The following TMEM232 variants were observed in gnomAD, a reference collection of about 807,000 sequenced individuals.
TMEM232 encodes the protein transmembrane protein 232.
Under a neutral mutation model 78.8 loss-of-function variants are expected in TMEM232, and 80 were observed. The ratio of observed to expected loss-of-function variants is 1.01; its 90% CI spans 0.85 to 1.22. The LOEUF (loss-of-function observed/expected upper bound fraction) is 1.22. Ranked by LOEUF, TMEM232 falls within the 50% of genes most tolerant of loss-of-function variation. The pLI is 0.00. For synonymous variants in TMEM232, 297 were observed against 254.3 expected (o/e 1.17, Z -1.60); for missense variants, 881 against 742.2 (o/e 1.19, Z -2.17).
rs184702281 is a variant in TMEM232, at chr5:110,532,335, A to G, written c.1456-3500T>C. On this transcript the variant is annotated intron_variant, in intron 11 of 13. Transcript: ENST00000455884. The stretch of plus-strand genomic sequence containing the variant: ...AAGACTGACGCTGCCCGATCGCCTC[A>G]GAAGCCCCCTAGACCATCACGGATG... Among the ~76,000 whole-genome samples the G allele has an allele frequency of 9.2e-3, 1,390 of 150,574 alleles. 22 individuals are homozygous for G. The highest frequency in any genetic ancestry group is 0.032 in the African/African-American group (1,307 of 40,926).
intron 12 of TMEM232, among the ~76,000 whole-genome samples, chr5:110,527,549 T>G (rs1404963334): frequency 6.6e-6 from 1 of 151,940 alleles, no homozygotes; most frequent in African/African-American, 2.4e-5. Context: ...GTTAAATTCC[T>G]CTAAGCCAGG....
chr5:110,623,400 T>C (rs1784027941), intron 7 of TMEM232, among the ~76,000 whole-genome samples: 1 of 152,182 alleles, frequency 6.6e-6, no homozygotes, highest in African/African-American at 2.4e-5. Context: ...ATGGACCTTT[T>C]AGCTTTATCA....
intron 12 of TMEM232, among the ~76,000 whole-genome samples, chr5:110,425,452 A>C (rs1163749622): frequency 6.6e-6 from 1 of 152,088 alleles, no homozygotes; most frequent in Non-Finnish European, 1.5e-5. Context: ...CAGTGATAGA[A>C]GGTGGTTTTG....
chr5:110,497,109 C>T (rs1765726608), intron 12 of TMEM232, among the ~76,000 whole-genome samples: 1 of 151,746 alleles, frequency 6.6e-6, no homozygotes, highest in African/African-American at 2.4e-5. Context: ...TCCTCCAAAT[C>T]AATAAACGTT....
chr5:110,508,939 T>TAC (rs1203608558), intron 12 of TMEM232, among the ~76,000 whole-genome samples: 1 of 140,580 alleles, frequency 7.1e-6, no homozygotes, highest in African/African-American at 2.6e-5. Flanking sequence ...ATTATATATA[T>TAC]ACACACACAC....
At position 110,610,633 on chromosome 5, in the gene TMEM232, C is replaced by G. The variant is rs1265223325; in HGVS notation, c.903-4346G>C. 23 of 427,778 alleles carry G rather than the reference C, an allele frequency of 5.4e-5. No individual in the cohort carries two copies. The East Asian group carries it at 1.6e-3, about 30-fold the overall frequency. The allele number at this position is 427,778 out of a possible 1,614,324, so 26.5% of individuals were successfully genotyped here. Reference sequence around the variant, plus strand: ...GGACAAGAAAGGGTGCCAGTTAACTCCTGCCTACTAAATCACAAAGATGTT... The same window carrying G: ...GGACAAGAAAGGGTGCCAGTTAACTGCTGCCTACTAAATCACAAAGATGTT... On this transcript the variant is annotated intron_variant, in intron 8 of 13. Coordinates refer to ENST00000455884, the MANE Select transcript of TMEM232 (RefSeq NM_001039763.4).
At chr5:110,668,737 T>G (rs1329402904) in intron 1 of TMEM232, among the ~76,000 whole-genome samples, 2 of 152,180 alleles carry the variant, frequency 1.3e-5, no homozygotes, top group African/African-American at 4.8e-5. Context: ...AGTAAAGCAC[T>G]TCTCAGCAAG....
At chr5:110,584,481 T>A (rs1324156693) in intron 10 of TMEM232, among the ~76,000 whole-genome samples, 1 of 152,092 alleles carries the variant, frequency 6.6e-6, no homozygotes, top group Non-Finnish European at 1.5e-5. Context: ...AGAATGGCAG[T>A]TACCAGAGGT....
At position 110,700,622 on chromosome 5, in the gene TMEM232, G is replaced by A. The variant is rs189488417; in HGVS notation, c.-13+26005C>T. Among the ~76,000 whole-genome samples the A allele has an allele frequency of 3.4e-4, 52 of 151,978 alleles. 1 individual carries two copies. The East Asian group carries it at 9.3e-3, about 27-fold the overall frequency. ...AGAAAGATTGCAAAAAGTTGAAATG[G>A]GCACAGAAATTAACAAGAATAAATA... is the stretch of plus-strand genomic sequence containing the variant. On this transcript the variant is annotated intron_variant, in intron 1 of 13. Transcript: ENST00000455884.
At chr5:110,599,401 T>C (rs1780611256) in intron 10 of TMEM232, among the ~76,000 whole-genome samples, 1 of 152,114 alleles carries the variant, frequency 6.6e-6, no homozygotes, top group South Asian at 2.1e-4. Context: ...TCAAGATCCA[T>C]CAGTGTGCTG....
intron 1 of TMEM232, among the ~76,000 whole-genome samples, chr5:110,692,965 C>G (rs1435073282): frequency 6.6e-6 from 1 of 152,170 alleles, no homozygotes; most frequent in Non-Finnish European, 1.5e-5. Context: ...AGCAGTTCTC[C>G]CAGCACGCAG....
intron 12 of TMEM232, among the ~76,000 whole-genome samples, chr5:110,432,950 T>C (rs955819351): frequency 1.3e-5 from 2 of 151,768 alleles, no homozygotes; most frequent in Non-Finnish European, 2.9e-5. Context: ...CCTAACTATA[T>C]ATGCACTCAA....
rs553938703 is a variant in TMEM232 at position 110,565,553 on chromosome 5, A to C, written c.1455+2894T>G. On this transcript the variant is annotated intron_variant, in intron 11 of 13. Transcript: ENST00000455884. ...GGCATACAGTTTTCAAAAATAAGAA[A>C]ACTAAGGCTGAGGAATAACTTGTTC... 4.6e-5 allele frequency among the ~76,000 whole-genome samples: 7 copies of C among 152,098 alleles called. No individual in the cohort carries two copies. The South Asian group carries it at 1.5e-3, about 32-fold the overall frequency.
At chr5:110,429,232 CTT>C (rs1171957291) in intron 12 of TMEM232, among the ~76,000 whole-genome samples, 1 of 151,622 alleles carries the variant, frequency 6.6e-6, no homozygotes, top group Non-Finnish European at 1.5e-5. Context: ...CATCATTTAA[CTT>C]AGTCTGAGAG....
At chr5:110,526,973 C>T (rs368795479) in intron 12 of TMEM232, among the ~76,000 whole-genome samples, 1 of 151,626 alleles carries the variant, frequency 6.6e-6, no homozygotes, top group Non-Finnish European at 1.5e-5. Flanking sequence ...GTTTACTATG[C>T]TAATTTTCAT....
intron 2 of TMEM232, among the ~76,000 whole-genome samples, chr5:110,655,898 G>A: frequency 8.6e-6 from 1 of 116,590 alleles, no homozygotes; most frequent in East Asian, 2.8e-4. Flanking sequence ...ACACTCTGGG[G>A]ACTGTTGTGG....
chr5:110,658,006 G>A (rs1789318739), intron 2 of TMEM232, among the ~76,000 whole-genome samples: 1 of 152,092 alleles, frequency 6.6e-6, no homozygotes, highest in Admixed American at 6.6e-5. Context: ...ATGAAAGAAA[G>A]GTCTGCTCCT....
rs375052509 is a variant in TMEM232 at position 110,610,667 on chromosome 5, A to T, written c.903-4380T>A. 8.7e-5 allele frequency: 35 copies of T among 402,158 alleles called. No homozygotes were observed. In the East Asian group the frequency reaches 1.9e-3, roughly 22 times the overall value. 24.9% of individuals were successfully genotyped at this position (402,158 alleles called of 1,614,324 possible). A position where few individuals can be genotyped will look rare whatever the true frequency, so the allele number is the denominator to read the frequency against. On this transcript the variant is annotated intron_variant, in intron 8 of 13. Transcript: ENST00000455884. ...TAAATCACAAAGATGTTCCTAAAAA[A>T]TTCTGGACTGAAAATTAAACATATA...
intron 1 of TMEM232, among the ~76,000 whole-genome samples, chr5:110,690,137 G>A (rs943250097): frequency 6.6e-6 from 1 of 152,102 alleles, no homozygotes; most frequent in African/African-American, 2.4e-5. Context: ...TTGACAAATG[G>A]GATCTAATTA....
Sources: gnomAD v4.1 joint callset for allele counts (sites outside exome capture counted in the v4.1 genomes callset) on GRCh38, gnomAD v4.1.1 for gene constraint, MANE v1.5 for transcripts, NCBI Gene and HGNC (gene_info 2026-07-23, HGNC 2026-07-21) for gene names.